The following STAC variants were observed in gnomAD, a reference collection of about 807,000 sequenced individuals.
STAC encodes the protein SH3 and cysteine rich domain.
Under a neutral mutation model 48.8 loss-of-function variants are expected in STAC, and 43 were observed. The observed-to-expected ratio is 0.88, with a 90% CI of 0.69 to 1.14. The LOEUF (loss-of-function observed/expected upper bound fraction) is 1.14. Ranked by LOEUF, STAC falls within the 50% of genes most tolerant of loss-of-function variation. STAC has a pLI of 0.00. For missense variants in STAC, 497 were observed against 504.0 expected, an observed-to-expected ratio of 0.99 and a Z score of 0.13; for synonymous variants, 193 against 179.5, an observed-to-expected ratio of 1.07 and a Z score of -0.60.
At chr3:36,400,170 C>T (rs1045799899) in intron 1 of STAC, among the ~76,000 whole-genome samples, 1 of 152,224 alleles carries the variant, frequency 6.6e-6, no homozygotes, top group African/African-American at 2.4e-5. Context: ...TTGTCAAATT[C>T]AGGTCACCTG....
chr3:36,453,474 G>C (rs1229800509), intron 2 of STAC, among the ~76,000 whole-genome samples: 4 of 152,202 alleles, frequency 2.6e-5, no homozygotes, highest in African/African-American at 4.8e-5. Flanking sequence ...GGGCAGTGAG[G>C]GTCTTAGCAC....
intron 1 of STAC, among the ~76,000 whole-genome samples, chr3:36,425,572 A>G (rs1700543762): frequency 6.6e-6 from 1 of 152,216 alleles, no homozygotes; most frequent in African/African-American, 2.4e-5. Context: ...TCTGTAAATA[A>G]GCTGATAGTT....
At chr3:36,383,032 A>G (rs1699545625) in intron 1 of STAC, among the ~76,000 whole-genome samples, 1 of 152,220 alleles carries the variant, frequency 6.6e-6, no homozygotes, top group African/African-American at 2.4e-5. Flanking sequence ...TCTTATTATA[A>G]GAGTAACAAA....
intron 1 of STAC, among the ~76,000 whole-genome samples, chr3:36,430,390 T>C (rs538812511): frequency 9.3e-4 from 141 of 152,274 alleles, no homozygotes; most frequent in African/African-American, 3.2e-3. Flanking sequence ...GAAGCAATAT[T>C]GGAGCTGAGA....
At chr3:36,473,129 A>G (rs1697385175) in intron 2 of STAC, among the ~76,000 whole-genome samples, 1 of 152,202 alleles carries the variant, frequency 6.6e-6, no homozygotes, top group South Asian at 2.1e-4. Context: ...GGAGGAAGCC[A>G]AAGCAGAAAC....
chr3:36,504,937 T>C (rs752867831), intron 7 of STAC, among the ~76,000 whole-genome samples: 8 of 152,046 alleles, frequency 5.3e-5, no homozygotes, highest in Admixed American at 2.6e-4. Context: ...ATGATGCAAC[T>C]ATATATGAGA....
chr3:36,533,654 T>C (rs1699127279), intron 10 of STAC, among the ~76,000 whole-genome samples: 1 of 152,082 alleles, frequency 6.6e-6, no homozygotes, highest in South Asian at 2.1e-4. Context: ...ACCAATTCCT[T>C]GGCATATTCC....
chr3:36,492,419 T>C (rs1698012690), intron 5 of STAC, among the ~76,000 whole-genome samples: 1 of 152,124 alleles, frequency 6.6e-6, no homozygotes, highest in Non-Finnish European at 1.5e-5. Flanking sequence ...CTATGGGGCC[T>C]CAAACAGAGC....
intron 1 of STAC, among the ~76,000 whole-genome samples, chr3:36,384,020 T>C (rs1699566175): frequency 6.6e-6 from 1 of 152,190 alleles, no homozygotes; most frequent in Non-Finnish European, 1.5e-5. Context: ...ATTAGTTGAG[T>C]TGAATAAGTT....
chr3:36,509,504 C>G (rs1442422461), intron 8 of STAC, among the ~76,000 whole-genome samples: 1 of 152,126 alleles, frequency 6.6e-6, no homozygotes, highest in Non-Finnish European at 1.5e-5. Flanking sequence ...TGTTTTCCAA[C>G]TTTGTTCCAT....
Position 36,380,727 on chromosome 3 carries a change from T to G in STAC, c.84T>G (p.Pro28=). The change falls in exon 1 of 11, where the codon CCT becomes CCG. Residue 28 remains proline, a synonymous_variant. Transcript: ENST00000273183. ...EAVGAEQPPS[P]ASTSSQESKL... ...TGGGCGCCGAGCAACCGCCCTCTCC[T>G]GCATCCACCAGCAGCCAGGAATCCA... 2 of 1,611,846 alleles carry G rather than the reference T, an allele frequency of 1.2e-6. No individual in the cohort carries two copies. Among genetic ancestry groups the G allele is most frequent in the South Asian group, 2.2e-5 (2 of 90,806 alleles).
intron 2 of STAC, among the ~76,000 whole-genome samples, chr3:36,456,417 T>C (rs180823113): frequency 1.3e-5 from 2 of 152,290 alleles, no homozygotes; most frequent in African/African-American, 4.8e-5. Context: ...ACCTATCTAA[T>C]AGGTGTGTTG....
intron 1 of STAC, among the ~76,000 whole-genome samples, chr3:36,413,254 T>C (rs1700238023): frequency 6.6e-6 from 1 of 151,920 alleles, no homozygotes; most frequent in Non-Finnish European, 1.5e-5. Flanking sequence ...CTCATTGATC[T>C]GTCTAATGTT....
chr3:36,521,200 A>C (rs1358733489), intron 8 of STAC, among the ~76,000 whole-genome samples: 1 of 151,998 alleles, frequency 6.6e-6, no homozygotes, highest in Admixed American at 6.6e-5. Context: ...CGTTTTGCCT[A>C]ATGAATGAGA....
chr3:36,454,277 T>C (rs1457123958), intron 2 of STAC, among the ~76,000 whole-genome samples: 2 of 152,144 alleles, frequency 1.3e-5, no homozygotes, highest in African/African-American at 4.8e-5. Flanking sequence ...AGCTTCTCTC[T>C]TGAAGCCAGC....
chr3:36,462,085 G>A (rs1697034694), intron 2 of STAC, among the ~76,000 whole-genome samples: 1 of 152,146 alleles, frequency 6.6e-6, no homozygotes, highest in Non-Finnish European at 1.5e-5. Context: ...AATAGAGACA[G>A]GGTCAGATTG....
intron 8 of STAC, among the ~76,000 whole-genome samples, chr3:36,525,348 T>C (rs1156662451): frequency 6.6e-6 from 1 of 152,212 alleles, no homozygotes; most frequent in Non-Finnish European, 1.5e-5. Flanking sequence ...GTCTGGTATT[T>C]CTCATAAGAT....
intron 6 of STAC, among the ~76,000 whole-genome samples, chr3:36,501,709 G>A (rs1163348126): frequency 2.0e-5 from 3 of 152,016 alleles, no homozygotes; most frequent in South Asian, 2.1e-4. Context: ...TAAATTCTAC[G>A]AAACATTTAA....
intron 6 of STAC, among the ~76,000 whole-genome samples, chr3:36,496,127 A>G (rs1375346468): frequency 6.6e-6 from 1 of 152,184 alleles, no homozygotes; most frequent in East Asian, 1.9e-4. Flanking sequence ...AGCCTTTCTC[A>G]AAGAGATCTG....
Sources: allele counts gnomAD v4.1 joint callset (sites outside exome capture counted in the v4.1 genomes callset), GRCh38; gene constraint gnomAD v4.1.1; transcripts MANE v1.5; gene names NCBI Gene and HGNC (gene_info 2026-07-23, HGNC 2026-07-21).